The following PYHIN1 variants were observed in gnomAD, a reference collection of about 807,000 sequenced individuals.
PYHIN1 encodes the protein pyrin and HIN domain-containing protein 1.
In PYHIN1, 32 loss-of-function variants were observed where a neutral mutation model predicts 43.7. The observed-to-expected ratio is 0.73, with a 90% CI of 0.55 to 0.98. The LOEUF is 0.98. Among genes scored for constraint, PYHIN1 ranks in the 50% least tolerant of loss-of-function variants. PYHIN1 has a pLI of 0.00. For missense variants in PYHIN1, 588 were observed against 589.5 expected, an observed-to-expected ratio of 1.00 and a Z score of 0.03; for synonymous variants, 205 against 203.1, an observed-to-expected ratio of 1.01 and a Z score of -0.08.
chr1:158,978,749 A>G (rs1034757121), downstream of PYHIN1, among the ~76,000 whole-genome samples: 3 of 152,130 alleles, frequency 2.0e-5, no homozygotes, highest in African/African-American at 7.2e-5. Context: ...ATAGGAAAGA[A>G]ATTATCTTCC....
Position 158,936,871 on chromosome 1 carries a change from A to G in PYHIN1, c.-20-20A>G. ...TCTCTGTATACATGTGTAACACTAT[A>G]TACCATTTTTCTCTTGCAGGCTCAC... On this transcript the variant is annotated intron_variant, in intron 1 of 8. Transcript: ENST00000368140. The G allele has an allele frequency of 3.3e-6, 5 of 1,503,856 alleles. No homozygotes were observed. The highest frequency in any genetic ancestry group is 4.5e-6 in the Non-Finnish European group (5 of 1,118,688). The allele number at this position is 1,503,856 out of a possible 1,614,324, so 93.2% of individuals were successfully genotyped here. A position where few individuals can be genotyped will look rare whatever the true frequency, so the allele number is the denominator to read the frequency against.
intron 6 of PYHIN1, 99 bp from the exon 7 acceptor site, chr1:158,944,776 C>A (rs72704920): frequency 2.3e-6 from 2 of 885,630 alleles, no homozygotes; most frequent in African/African-American, 1.7e-5. Flanking sequence ...GTAATGACAT[C>A]TATTAGAATT....
chr1:158,968,582 T>C (rs930840552), intron 7 of PYHIN1, among the ~76,000 whole-genome samples: 4 of 152,118 alleles, frequency 2.6e-5, no homozygotes, highest in Admixed American at 2.6e-4. Context: ...GACCCAGCAA[T>C]CCTAGTACTG....
rs116135189 is a variant in PYHIN1 at position 158,962,538 on chromosome 1, T to A, written c.1360-11109T>A. On this transcript the variant is annotated intron_variant, in intron 7 of 8. Coordinates refer to ENST00000368140, the MANE Select transcript of PYHIN1 (RefSeq NM_152501.5). ...CGAACACAATTACCCTGCCCCCTCC[T>A]GAACACTTCAGTGGAAAGCAGCTTT... 2.7e-3 allele frequency among the ~76,000 whole-genome samples: 415 copies of A among 152,322 alleles called. 1 individual carries two copies. The highest frequency in any genetic ancestry group is 9.5e-3 in the African/African-American group (394 of 41,562).
chr1:158,967,032 A>G (rs139495463), intron 7 of PYHIN1, among the ~76,000 whole-genome samples: 3,262 of 152,298 alleles, frequency 0.021, 48 homozygotes, highest in Non-Finnish European at 0.035. Context: ...TACAAAATCA[A>G]TATACAAAAA....
At chr1:158,952,092 G>T (rs557022426) in intron 7 of PYHIN1, among the ~76,000 whole-genome samples, 1 of 150,070 alleles carries the variant, frequency 6.7e-6, no homozygotes, top group African/African-American at 2.4e-5. Context: ...CCTAGGCGCC[G>T]CTTTTGCCTG....
intron 7 of PYHIN1, among the ~76,000 whole-genome samples, chr1:158,959,586 G>A (rs1354899627): frequency 6.6e-6 from 1 of 152,204 alleles, no homozygotes; most frequent in African/African-American, 2.4e-5. Context: ...GGCCTTCCAA[G>A]AAGATTTGTT....
Position 158,976,736 on chromosome 1 carries a change from C to A in PYHIN1, c.*41C>A. 6.2e-7 allele frequency: 1 copy of A among 1,602,304 alleles called. No individual in the cohort carries two copies. Among genetic ancestry groups the A allele is most frequent in the East Asian group, 2.2e-5 (1 of 44,522 alleles). On this transcript the variant is annotated 3_prime_UTR_variant, in exon 9 of 9. Transcript: ENST00000368140. ...ACAAGGATATCAAATAACTACTGTT[C>A]AATCTTTACTCAAGTGTGGAAATTT...
intron 7 of PYHIN1, among the ~76,000 whole-genome samples, chr1:158,949,687 T>C (rs895558774): frequency 4.6e-5 from 7 of 151,764 alleles, no homozygotes; most frequent in Admixed American, 6.6e-5. Context: ...CCAATTTCAT[T>C]CATGTCCCTA....
chr1:158,976,755 G>A lies in PYHIN1; in HGVS notation c.*60G>A, dbSNP rs1651286040. 6.3e-7 allele frequency: 1 copy of A among 1,594,852 alleles called. No individual in the cohort carries two copies. The highest frequency in any genetic ancestry group is 2.3e-5 in the East Asian group (1 of 44,356). On this transcript the variant is annotated 3_prime_UTR_variant, in exon 9 of 9. Coordinates refer to ENST00000368140, the MANE Select transcript of PYHIN1 (RefSeq NM_152501.5). Reference sequence around the variant, plus strand: ...ACTGTTCAATCTTTACTCAAGTGTGGAAATTTTGCCTGAAGTCCTCCACCT... The same window carrying A: ...ACTGTTCAATCTTTACTCAAGTGTGAAAATTTTGCCTGAAGTCCTCCACCT...
At chr1:158,977,729 T>C (rs918690526), downstream of PYHIN1, among the ~76,000 whole-genome samples, 5 of 152,136 alleles carry the variant, frequency 3.3e-5, no homozygotes, top group African/African-American at 9.7e-5. Flanking sequence ...GTTTTCTCCT[T>C]TTTACTCTCC....
Position 158,939,075 on chromosome 1 carries a change from T to C in PYHIN1, c.412-5T>C. The C allele has an allele frequency of 1.9e-6, 3 of 1,572,640 alleles. No homozygotes were observed. The South Asian group carries it at 3.6e-5, about 19-fold the overall frequency. On this transcript the variant is annotated splice_region_variant and splice_polypyrimidine_tract_variant and intron_variant, in intron 3 of 8. Transcript: ENST00000368140. ...TAATTAACAAGAAAAATAAACTACT[T>C]GTAGAAAAGAAAAAAACCATCTGAA...
intron 7 of PYHIN1, among the ~76,000 whole-genome samples, chr1:158,950,228 C>A (rs1271109913): frequency 2.0e-5 from 3 of 152,124 alleles, no homozygotes; most frequent in Non-Finnish European, 2.9e-5. Context: ...AGGAACAATA[C>A]CCTAAGTGAT....
At chr1:158,952,842 C>A (rs1022907458) in intron 7 of PYHIN1, among the ~76,000 whole-genome samples, 1 of 152,186 alleles carries the variant, frequency 6.6e-6, no homozygotes, top group Non-Finnish European at 1.5e-5. Context: ...ATCTGAGGTA[C>A]CGAGTTCATC....
chr1:158,944,549 C>T (rs1445711030), intron 6 of PYHIN1, among the ~76,000 whole-genome samples: 1 of 152,130 alleles, frequency 6.6e-6, no homozygotes, highest in African/African-American at 2.4e-5. Context: ...ACAACTTTGG[C>T]ATATGTGGAA....
chr1:158,978,640 AAC>A (rs1408554572), downstream of PYHIN1, among the ~76,000 whole-genome samples: 1 of 152,148 alleles, frequency 6.6e-6, no homozygotes, highest in East Asian at 1.9e-4. Context: ...GATGGTAATT[AAC>A]AGTTAGAGAA....
Position 158,944,996 on chromosome 1 carries a change from C to G in PYHIN1, c.1313C>G (p.Thr438Ser). 6.2e-7 allele frequency: 1 copy of G among 1,613,866 alleles called. No homozygotes were observed. The highest frequency in any genetic ancestry group is 8.5e-7 in the Non-Finnish European group (1 of 1,179,846). The change falls in exon 7 of 9, where the codon ACT (threonine) becomes AGT (serine). Residue 438 changes from threonine (T) to serine (S), a missense_variant. Coordinates refer to ENST00000368140, the MANE Select transcript of PYHIN1 (RefSeq NM_152501.5). ...ACCCTACCTGAAAGCCATCTCAAGA[C>G]TCCTCAGATGCCACCAACAACCCCA... ...STTLPESHLK[T>S]PQMPPTTPSS...
the PYHIN1 span, among the ~76,000 whole-genome samples, chr1:158,984,816 A>C: frequency 6.6e-6 from 1 of 152,276 alleles, no homozygotes; most frequent in Non-Finnish European, 1.5e-5. Flanking sequence ...AACTTGTTTT[A>C]TGAATCTGGT....
downstream of PYHIN1, among the ~76,000 whole-genome samples, chr1:158,980,758 G>C (rs1286260430): frequency 6.6e-6 from 1 of 152,128 alleles, no homozygotes; most frequent in Non-Finnish European, 1.5e-5. Flanking sequence ...CTTATCAGTG[G>C]TTCTGCTTTT....
Sources: allele counts gnomAD v4.1 joint callset (sites outside exome capture counted in the v4.1 genomes callset), GRCh38; gene constraint gnomAD v4.1.1; transcripts MANE v1.5; gene names NCBI Gene and HGNC (gene_info 2026-07-23, HGNC 2026-07-21).